The following ATN1 variants were observed in gnomAD, a reference collection of about 807,000 sequenced individuals.
The protein encoded by ATN1 is atrophin-1.
Under a neutral mutation model 85.8 loss-of-function variants are expected in ATN1, and 19 were observed. The observed-to-expected ratio is 0.22, with a 90% confidence interval of 0.15 to 0.32. The LOEUF is 0.32. Ranked by LOEUF, ATN1 falls within the 10% of genes least tolerant of loss-of-function variation. ATN1 has a pLI of 1.00. For synonymous variants in ATN1, 674 were observed against 657.0 expected (o/e 1.03, Z -0.39); for missense variants, 1,453 against 1,564.5 (o/e 0.93, Z 1.20).
chr12:6,938,133 C>G (rs1945578900), intron 6 of ATN1, 66 bp downstream of exon 6: 1 of 1,473,140 alleles, frequency 6.8e-7, no homozygotes, highest in Non-Finnish European at 9.0e-7. Context: ...CTGCGCTGCG[C>G]TGCGCTACGC....
rs782593881 is a variant in ATN1, at chr12:6,938,095, CCTT to C, written c.2517+32_2517+34del. On this transcript the variant is annotated intron_variant, in intron 6 of 9. Coordinates refer to ENST00000396684, the MANE Select transcript of ATN1 (RefSeq NM_001940.4). ...GAGTGCGTCACTGCCTGCGCCACCG[CCTT>C]CTTTCCCTCTTTCCTTCCTTCCCTC... is the stretch of plus-strand genomic sequence containing the variant. 290 of 1,525,892 alleles carry C rather than the reference CCTT, an allele frequency of 1.9e-4. No individual in the cohort carries two copies. The East Asian group carries it at 5.5e-3, about 29-fold the overall frequency. 94.5% of individuals were successfully genotyped at this position (1,525,892 alleles called of 1,614,324 possible).
chr12:6,936,638 C>T lies in ATN1; in HGVS notation c.1371C>T (p.Ala457=). ...PYGRLLANSN[A]HPGPFPPSTG... is the part of the protein sequence containing the mutation. ...GCCGCCTCTTAGCCAACAGCAATGC[C>T]CATCCAGGCCCCTTCCCTCCCTCTA... The change falls in exon 5 of 10, where the codon GCC becomes GCT. Residue 457 remains alanine, a synonymous_variant. Coordinates refer to ENST00000396684, the MANE Select transcript of ATN1 (RefSeq NM_001940.4). 1 of 1,613,598 alleles carries T rather than the reference C, an allele frequency of 6.2e-7. No homozygotes were observed. The highest frequency in any genetic ancestry group is 8.5e-7 in the Non-Finnish European group (1 of 1,179,774).
At position 6,936,952 on chromosome 12, in the gene ATN1, G is replaced by T. The variant is rs147497525; in HGVS notation, c.1685G>T (p.Gly562Val). 2 of 1,613,646 alleles carry T rather than the reference G, an allele frequency of 1.2e-6. No individual in the cohort carries two copies. Among genetic ancestry groups the T allele is most frequent in the African/African-American group, 2.7e-5 (2 of 74,856 alleles). Residue 562 changes from glycine (G) to valine (V), a missense_variant, in exon 5 of 10, where the codon GGC (glycine) becomes GTC (valine). Physicochemically the swap from Gly to Val is moderately radical, Grantham distance 109 (BLOSUM62 -3). Around this residue, in one of 6 missense-constraint regions of ATN1, gnomAD observed 990 missense variants for 914.8 expected, o/e 1.08. Transcript: ENST00000396684. ...PHSQVSYSQA[G>V]PNGPPVSSSS... Reference sequence around the variant, plus strand: ...AGCCAGGTGTCCTACAGCCAAGCAGGCCCCAATGGCCCTCCAGTCTCTTCC... The same window carrying T: ...AGCCAGGTGTCCTACAGCCAAGCAGTCCCCAATGGCCCTCCAGTCTCTTCC...
chr12:6,938,892 C>T lies in ATN1; in HGVS notation c.2929C>T (p.Leu977=), dbSNP rs1555144292. 6.2e-7 allele frequency: 1 copy of T among 1,614,016 alleles called. No homozygotes were observed. Among genetic ancestry groups the T allele is most frequent in the African/African-American group, 1.3e-5 (1 of 74,936 alleles). The change falls in exon 7 of 10, where the codon CTG becomes TTG. Residue 977 remains leucine (L), a synonymous_variant. Coordinates refer to ENST00000396684, the MANE Select transcript of ATN1 (RefSeq NM_001940.4). ...GLDPFPRHGG[L]ALQPGPPGLH... is the part of the protein sequence containing the mutation. Reference sequence around the variant, plus strand: ...GGATCCCTTTCCCCGACATGGGGGCCTGGCTCTGCAGCCTGGCCCACCTGG... The same window carrying T: ...GGATCCCTTTCCCCGACATGGGGGCTTGGCTCTGCAGCCTGGCCCACCTGG...
In ATN1 at chr12:6,934,660, G is replaced by T; in HGVS notation, c.279+82G>T. On this transcript the variant is annotated intron_variant, in intron 4 of 9. Coordinates refer to ENST00000396684, the MANE Select transcript of ATN1 (RefSeq NM_001940.4). The surrounding 1 kb of genome is among the most constrained non-coding windows in gnomAD (Gnocchi z 4.5). ...TGCTTATGCTCACTATTCTTAGCTG[G>T]ATCTCTCCTGGGACATAAGAGAAAG... The T allele has an allele frequency of 1.9e-6, 2 of 1,037,586 alleles. No individual in the cohort carries two copies. Among genetic ancestry groups the T allele is most frequent in the Admixed American group, 4.0e-5 (2 of 49,622 alleles). 64.3% of individuals were successfully genotyped at this position (1,037,586 alleles called of 1,614,324 possible). A position where few individuals can be genotyped will look rare whatever the true frequency, so the allele number is the denominator to read the frequency against.
In ATN1 at chr12:6,941,603, G is replaced by A; in HGVS notation, c.3539+49G>A. On this transcript the variant is annotated intron_variant, in intron 9 of 9. Coordinates refer to ENST00000396684, the MANE Select transcript of ATN1 (RefSeq NM_001940.4). This position sits in a 1 kb window ranked among gnomAD's most constrained non-coding sequence, Gnocchi z 5.9. ...GGGGACATGGGCTCAGCGAGCCTGG[G>A]AGGAGCTGTGGGCATGGTACGGCTG... is the stretch of plus-strand genomic sequence containing the variant. 1 of 1,609,122 alleles carries A rather than the reference G, an allele frequency of 6.2e-7. No individual in the cohort carries two copies. Among genetic ancestry groups the A allele is most frequent in the Non-Finnish European group, 8.5e-7 (1 of 1,176,538 alleles).
chr12:6,937,552 A>C lies in ATN1; in HGVS notation c.2285A>C (p.Gln762Pro). Residue 762 changes from glutamine (Q) to proline (P), a missense_variant, in exon 5 of 10, where the codon CAG becomes CCG. Gln to Pro is a moderately conservative substitution (Grantham distance 76, BLOSUM62 -1). Coordinates refer to ENST00000396684, the MANE Select transcript of ATN1 (RefSeq NM_001940.4). This position sits in a 1 kb window ranked among gnomAD's most constrained non-coding sequence, Gnocchi z 6.0. ...GTAGATGTACCCAGCCATGCCAGTC[A>C]GTCTGCCAGGTGAGCGGCCAGGTGG... ...KVVDVPSHASQSARFNKHLDR... is the reference protein window; with the variant it reads ...KVVDVPSHASPSARFNKHLDR... 8 of 1,507,542 alleles carry C rather than the reference A, an allele frequency of 5.3e-6. No individual in the cohort carries two copies. Among genetic ancestry groups the C allele is most frequent in the Non-Finnish European group, 7.1e-6 (8 of 1,128,050 alleles). 93.4% of individuals were successfully genotyped at this position (1,507,542 alleles called of 1,614,324 possible).
At chr12:6,940,737 A>G in intron 7 of ATN1, 143 bp from the exon 8 acceptor site, 1 of 987,042 alleles carries the variant, frequency 1.0e-6, no homozygotes, top group East Asian at 2.5e-5. Flanking sequence ...CCAGGCCTCT[A>G]GTTCTTCCAC....
upstream of ATN1, among the ~76,000 whole-genome samples, chr12:6,926,216 A>C (rs1267264659): frequency 2.0e-5 from 3 of 152,146 alleles, no homozygotes; most frequent in Non-Finnish European, 4.4e-5. Context: ...GGGATTGAGC[A>C]ACAAGGATAC....
chr12:6,928,595 G>T (rs1291977264), intron 1 of ATN1, among the ~76,000 whole-genome samples: 1 of 152,232 alleles, frequency 6.6e-6, no homozygotes, highest in African/African-American at 2.4e-5. Flanking sequence ...GGAGAGTCGG[G>T]GGCCAGGGTT....
intron 1 of ATN1, among the ~76,000 whole-genome samples, chr12:6,929,131 G>C (rs1226341727): frequency 6.6e-6 from 1 of 152,156 alleles, no homozygotes; most frequent in Non-Finnish European, 1.5e-5. Flanking sequence ...AGTAGTGTGG[G>C]TTATCCCAAA....
chr12:6,926,483 T>C (rs1303685268), upstream of ATN1, among the ~76,000 whole-genome samples: 2 of 150,578 alleles, frequency 1.3e-5, no homozygotes, highest in East Asian at 3.9e-4. Context: ...CATTTTTTCT[T>C]TTTTTTTTTG....
rs1271605496 is a variant in ATN1 at position 6,928,346 on chromosome 12, CCCGCTCGGAGCCAGCCA to C, written c.-200_-184del. 7 of 150,482 alleles carry C rather than the reference CCCGCTCGGAGCCAGCCA, an allele frequency of 4.7e-5. No homozygotes were observed. The highest frequency in any genetic ancestry group is 7.4e-5 in the Non-Finnish European group (5 of 67,448). 9.3% of individuals were successfully genotyped at this position (150,482 alleles called of 1,614,324 possible). On this transcript the variant is annotated 5_prime_UTR_variant, in exon 1 of 10. Coordinates refer to ENST00000396684, the MANE Select transcript of ATN1 (RefSeq NM_001940.4). Reference sequence around the variant, plus strand: ...CCCCAGAGGCGCCGGAGCCCGGAATCCCGCTCGGAGCCAGCCAGCCGTCCCGAGCTACCAGCAGGTAA... The same window carrying C: ...CCCCAGAGGCGCCGGAGCCCGGAATCGCCGTCCCGAGCTACCAGCAGGTAA...
chr12:6,927,216 CTA>C (rs1370514247), upstream of ATN1, among the ~76,000 whole-genome samples: 2 of 150,924 alleles, frequency 1.3e-5, no homozygotes, highest in South Asian at 4.2e-4. Flanking sequence ...CCCCATCTTT[CTA>C]TATATGTCAT....
At chr12:6,925,111 C>CATGTGCGT (rs1945384613), upstream of ATN1, among the ~76,000 whole-genome samples, 1 of 105,012 alleles carries the variant, frequency 9.5e-6, no homozygotes, top group Admixed American at 9.0e-5. Flanking sequence ...TGTGTGTGTG[C>CATGTGCGT]GTGTGCGTGT....
Position 6,937,939 on chromosome 12 carries a change from G to T in ATN1, c.2389G>T (p.Ala797Ser). 1 of 1,587,458 alleles carries T rather than the reference G, an allele frequency of 6.3e-7. No homozygotes were observed. The change falls in exon 6 of 10, where the codon GCC becomes TCC. Residue 797 changes from alanine (A) to serine (S), a missense_variant. Physicochemically the swap from Ala to Ser is moderately conservative, Grantham distance 99 (BLOSUM62 1). Around this residue, in one of 6 missense-constraint regions of ATN1, gnomAD observed 990 missense variants for 914.8 expected, o/e 1.08. Transcript: ENST00000396684. The surrounding 1 kb of genome is among the most constrained non-coding windows in gnomAD (Gnocchi z 6.0). ...LEGSKLAKKR[A>S]DLVEKVRREA... ...GGGCTCCAAGCTGGCCAAGAAGCGG[G>T]CCGACCTGGTGGAGAAGGTGCGGCG...
At chr12:6,926,223 A>G (rs782305570), upstream of ATN1, among the ~76,000 whole-genome samples, 67 of 152,214 alleles carry the variant, frequency 4.4e-4, no homozygotes, top group African/African-American at 1.6e-3. Flanking sequence ...AGCAACAAGG[A>G]TACCCAGGGA....
chr12:6,925,641 A>G (rs1439914398), upstream of ATN1, among the ~76,000 whole-genome samples: 2 of 152,204 alleles, frequency 1.3e-5, no homozygotes, highest in African/African-American at 4.8e-5. Context: ...TTCCCAGGCC[A>G]AGGAAGTGTT....
rs372996873 is a variant in ATN1 at position 6,935,613 on chromosome 12, G to A, written c.346G>A (p.Asp116Asn). The A allele has an allele frequency of 4.3e-6, 7 of 1,613,824 alleles. No homozygotes were observed. Among genetic ancestry groups the A allele is most frequent in the African/African-American group, 4.0e-5 (3 of 74,874 alleles). The part of the protein sequence containing the change: ...DSLDGRSLND[D>N]GSSDPRDIDQ... ...CTTGGACGGGCGGAGCCTTAATGAT[G>A]ATGGCAGCAGCGACCCTAGGGATAT... is the stretch of plus-strand genomic sequence containing the variant. The change falls in exon 5 of 10, where the codon GAT becomes AAT. Residue 116 changes from aspartate to asparagine, a missense_variant. Around this residue, in one of 6 missense-constraint regions of ATN1, gnomAD observed 130 missense variants for 158.2 expected, o/e 0.82. Coordinates refer to ENST00000396684, the MANE Select transcript of ATN1 (RefSeq NM_001940.4). This position sits in a 1 kb window ranked among gnomAD's most constrained non-coding sequence, Gnocchi z 5.3.
Sources: gnomAD v4.1 joint callset for allele counts (sites outside exome capture counted in the v4.1 genomes callset) on GRCh38, gnomAD v4.1.1 for gene constraint, gnomAD v4.1.1 regional missense constraint, Gnocchi (gnomAD v3.1) non-coding constraint, MANE v1.5 for transcripts, NCBI Gene and HGNC (gene_info 2026-07-23, HGNC 2026-07-21) for gene names.